Variants in ABCG8 observed in about 807,000 individuals in gnomAD.
ABCG8 encodes ATP-binding cassette sub-family G member 8.
In ABCG8, 81 loss-of-function variants were observed where a neutral mutation model predicts 71.3. The ratio of observed to expected loss-of-function variants is 1.14; its 90% CI spans 0.95 to 1.37. The LOEUF (loss-of-function observed/expected upper bound fraction) is 1.37, where lower values mean the gene tolerates loss of function less well. ABCG8 is among the 40% of genes most tolerant of loss of function. The probability of loss-of-function intolerance (pLI) is 0.00; values close to 1 mark genes in which losing one functional copy is unlikely to be tolerated. For synonymous variants in ABCG8, 451 were observed against 354.7 expected (o/e 1.27, Z -3.05); for missense variants, 1,119 against 866.2 (o/e 1.29, Z -3.66).
At chr2:43,871,054 C>G (rs1018209778) in intron 6 of ABCG8, among the ~76,000 whole-genome samples, 2 of 151,750 alleles carry the variant, frequency 1.3e-5, no homozygotes, top group African/African-American at 2.4e-5. Flanking sequence ...GGATAGAATT[C>G]TTACTCTAGA....
chr2:43,877,567 C>T lies in ABCG8; in HGVS notation c.1763C>T (p.Ala588Val). 6.2e-7 allele frequency: 1 copy of T among 1,613,944 alleles called. No individual in the cohort carries two copies. Among genetic ancestry groups the T allele is most frequent in the Non-Finnish European group, 8.5e-7 (1 of 1,179,990 alleles). Residue 588 changes from alanine to valine, a missense_variant, in exon 12 of 13, where the codon GCG becomes GTG. Transcript: ENST00000272286. The stretch of plus-strand genomic sequence containing the variant: ...CGCGGCTGTCTGTCTCCAGTGCCCG[C>T]GTGGATTTCCAAAGTGTCCTTCCTG... ...INLSSLWTVP[A>V]WISKVSFLRW...
intron 3 of ABCG8, 44 bp downstream of exon 3, chr2:43,846,355 A>G (rs752720719): frequency 7.4e-6 from 12 of 1,613,488 alleles, no homozygotes; most frequent in Non-Finnish European, 1.0e-5. Context: ...CTCTCCTGGG[A>G]TACAGAATGG....
intron 10 of ABCG8, 45 bp downstream of exon 10, chr2:43,874,528 T>TG (rs771136391): frequency 1.8e-5 from 26 of 1,472,542 alleles, no homozygotes; most frequent in South Asian, 5.7e-5. Flanking sequence ...CCCACCAGGG[T>TG]GGGGGTAAGT....
At chr2:43,865,498 G>T (rs572714115) in intron 6 of ABCG8, among the ~76,000 whole-genome samples, 1 of 151,886 alleles carries the variant, frequency 6.6e-6, no homozygotes, top group South Asian at 2.1e-4. Flanking sequence ...TATCTGTCTG[G>T]ATAGAATTCT....
At chr2:43,871,750 GA>G (rs1669782774) in intron 6 of ABCG8, among the ~76,000 whole-genome samples, 1 of 152,226 alleles carries the variant, frequency 6.6e-6, no homozygotes, top group Non-Finnish European at 1.5e-5. Context: ...CTCTTACCCT[GA>G]GGCTTCTGCA....
chr2:43,841,160 C>T (rs910427015), intron 1 of ABCG8, among the ~76,000 whole-genome samples: 4 of 152,298 alleles, frequency 2.6e-5, no homozygotes, highest in African/African-American at 9.6e-5. Flanking sequence ...ACCCTCCAGC[C>T]GTGAGTGTCA....
At chr2:43,855,961 TCTCA>T (rs545261456) in intron 6 of ABCG8, among the ~76,000 whole-genome samples, 119 of 152,138 alleles carry the variant, frequency 7.8e-4, no homozygotes, top group African/African-American at 2.8e-3. Context: ...TGGATAGAAC[TCTCA>T]CTATCTATCT....
At position 43,874,012 on chromosome 2, in the gene ABCG8, A is replaced by G. The variant is rs529435287; in HGVS notation, c.1411+26A>G. 7 of 1,612,466 alleles carry G rather than the reference A, an allele frequency of 4.3e-6. No homozygotes were observed. The South Asian group carries it at 7.7e-5, about 18-fold the overall frequency. ...GTGAGTGTGGCCCACTGGCATGGGC[A>G]GGCAGGACCTCAGCCACCTCCAAGC... On this transcript the variant is annotated intron_variant, in intron 9 of 12. Coordinates refer to ENST00000272286, the MANE Select transcript of ABCG8 (RefSeq NM_022437.3).
intron 6 of ABCG8, among the ~76,000 whole-genome samples, chr2:43,854,063 T>G (rs1391604193): frequency 6.6e-6 from 1 of 152,150 alleles, no homozygotes; most frequent in Non-Finnish European, 1.5e-5. Context: ...GGGGAATAAT[T>G]TAAAGTAACC....
At chr2:43,868,748 C>T (rs1015357344) in intron 6 of ABCG8, among the ~76,000 whole-genome samples, 1 of 151,902 alleles carries the variant, frequency 6.6e-6, no homozygotes, top group Non-Finnish European at 1.5e-5. Context: ...GGATAGAATT[C>T]TCACTCTGTG....
At chr2:43,843,431 G>C (rs778080350) in intron 1 of ABCG8, among the ~76,000 whole-genome samples, 4 of 152,216 alleles carry the variant, frequency 2.6e-5, no homozygotes, top group African/African-American at 4.8e-5. Flanking sequence ...GTTCACCCTT[G>C]TAATCACAGC....
At chr2:43,851,880 C>T in intron 4 of ABCG8, 58 bp downstream of exon 4, 2 of 1,563,230 alleles carry the variant, frequency 1.3e-6, no homozygotes, top group Non-Finnish European at 8.8e-7. Flanking sequence ...TGTCCATGCC[C>T]CGCTCCTCCC....
chr2:43,874,614 C>G (rs1669898817), intron 10 of ABCG8, 131 bp downstream of exon 10: 5 of 766,002 alleles, frequency 6.5e-6, no homozygotes, highest in Non-Finnish European at 1.2e-5. Context: ...CCGATGCCAC[C>G]AGATGCCACA....
Position 43,872,035 on chromosome 2 carries a change from G to T in ABCG8, c.1024G>T (p.Ala342Ser), listed in dbSNP as rs145373839. Residue 342 changes from alanine (A) to serine (S), a missense_variant, in exon 7 of 13, where the codon GCT (alanine) becomes TCT (serine). Coordinates refer to ENST00000272286, the MANE Select transcript of ABCG8 (RefSeq NM_022437.3). ...REQELATREK[A>S]QSLAALFLEK... ...GCAGGAATTGGCCACCAGGGAGAAG[G>T]CTCAGTCACTCGCAGCCCTGTTTCT... 181 of 1,614,118 alleles carry T rather than the reference G, an allele frequency of 1.1e-4. 3 individuals carry two copies. In the South Asian group the frequency reaches 1.7e-3, roughly 15 times the overall value.
At chr2:43,874,107 T>G in intron 9 of ABCG8, 121 bp downstream of exon 9, 1 of 1,125,880 alleles carries the variant, frequency 8.9e-7, no homozygotes. Context: ...ACAATAATGT[T>G]TTTAAAGTTT....
chr2:43,862,912 T>G (rs1669378528), intron 6 of ABCG8, among the ~76,000 whole-genome samples: 1 of 150,814 alleles, frequency 6.6e-6, no homozygotes, highest in Non-Finnish European at 1.5e-5. Flanking sequence ...GAAACAACTC[T>G]TACAATCTGG....
chr2:43,863,309 C>T (rs746952463), intron 6 of ABCG8, among the ~76,000 whole-genome samples: 1 of 151,568 alleles, frequency 6.6e-6, no homozygotes, highest in Non-Finnish European at 1.5e-5. Flanking sequence ...GGATAGAACT[C>T]TCACTATCTA....
At chr2:43,865,554 ACCC>A (rs1669498876) in intron 6 of ABCG8, among the ~76,000 whole-genome samples, 3 of 151,160 alleles carry the variant, frequency 2.0e-5, no homozygotes, top group African/African-American at 7.3e-5. Flanking sequence ...TAGAATTCTC[ACCC>A]TCTAGATAGA....
chr2:43,843,106 G>A (rs1040845118), intron 1 of ABCG8, among the ~76,000 whole-genome samples: 4 of 152,194 alleles, frequency 2.6e-5, no homozygotes, highest in African/African-American at 9.6e-5. Flanking sequence ...ATAAACCCTG[G>A]TCAGATGCTT....
Sources: allele counts gnomAD v4.1 joint callset (sites outside exome capture counted in the v4.1 genomes callset), GRCh38; gene constraint gnomAD v4.1.1; transcripts MANE v1.5; gene names NCBI Gene and HGNC (gene_info 2026-07-23, HGNC 2026-07-21).